Variants in AURKA observed in about 807,000 individuals in gnomAD.
AURKA encodes the protein aurora kinase A.
Under a neutral mutation model 40.9 loss-of-function variants are expected in AURKA, and 12 were observed. That is an observed-to-expected ratio of 0.29 (90% CI 0.19 to 0.48). AURKA has a LOEUF of 0.48. AURKA is among the 20% of genes least tolerant of loss of function. AURKA has a pLI of 0.99. For missense variants in AURKA, 322 were observed against 462.1 expected (o/e 0.70, Z 2.78); for synonymous variants, 170 against 164.3 (o/e 1.03, Z -0.26).
intron 6 of AURKA, among the ~76,000 whole-genome samples, chr20:56,377,084 CA>C (rs1345535059): frequency 6.6e-6 from 1 of 150,616 alleles, no homozygotes; most frequent in Non-Finnish European, 1.5e-5. Context: ...AAGAATGCCT[CA>C]AAAAAAACAA....
chr20:56,371,590 T>C lies in AURKA; in HGVS notation c.855-931A>G, dbSNP rs561962929. Among the ~76,000 whole-genome samples the C allele has an allele frequency of 9.6e-4, 144 of 150,020 alleles. 1 individual carries two copies. Among genetic ancestry groups the C allele is most frequent in the African/African-American group, 3.5e-3 (141 of 40,824 alleles). On this transcript the variant is annotated intron_variant, in intron 7 of 8. Coordinates refer to ENST00000395915, the MANE Select transcript of AURKA (RefSeq NM_198437.3). The stretch of plus-strand genomic sequence containing the variant: ...ACAATCAGAAAAGTCCTCTTTAAAG[T>C]GGGAGACTGGTCTGGCTTTAGACCA...
chr20:56,378,199 G>C (rs574973052), intron 6 of AURKA, among the ~76,000 whole-genome samples: 2 of 152,044 alleles, frequency 1.3e-5, no homozygotes, highest in Non-Finnish European at 2.9e-5. Context: ...TCAAATGTTG[G>C]CAACTATGAG....
rs530148133 is a variant in AURKA, at chr20:56,379,206, C to T, written c.705+2227G>A. Among the ~76,000 whole-genome samples the T allele has an allele frequency of 2.6e-5, 4 of 152,308 alleles. No homozygotes were observed. In the South Asian group the frequency reaches 8.3e-4, roughly 32 times the overall value. ...AGGCCAAAGGAAGTGCACATAAGCA[C>T]TCTAATTGATAAAGTTGGTTCCCAC... On this transcript the variant is annotated intron_variant, in intron 6 of 8. Coordinates refer to ENST00000395915, the MANE Select transcript of AURKA (RefSeq NM_198437.3).
chr20:56,372,110 G>C (rs1301130168), intron 7 of AURKA, among the ~76,000 whole-genome samples: 1 of 152,186 alleles, frequency 6.6e-6, no homozygotes, highest in African/African-American at 2.4e-5. Context: ...GTCTGTGTGG[G>C]TTCGTGTTGC....
chr20:56,377,637 A>G (rs1026496739), intron 6 of AURKA, among the ~76,000 whole-genome samples: 5 of 152,144 alleles, frequency 3.3e-5, no homozygotes, highest in Non-Finnish European at 7.4e-5. Flanking sequence ...AAGTACAAAA[A>G]TTAGCTGGGC....
rs1042339872 is a variant in AURKA, at chr20:56,370,716, T to A, written c.855-57A>T. On this transcript the variant is annotated intron_variant, in intron 7 of 8. Transcript: ENST00000395915. ...CTTCTCGTTTTATGATCACAACAGCTGCTAACAATCATTAAAGAGTCCACT... is the reference window on the plus strand; with the variant it reads ...CTTCTCGTTTTATGATCACAACAGCAGCTAACAATCATTAAAGAGTCCACT... 3.1e-6 allele frequency: 5 copies of A among 1,592,278 alleles called. No homozygotes were observed. In the African/African-American group the frequency reaches 6.7e-5, roughly 21 times the overall value.
chr20:56,380,511 G>C (rs1985577278), intron 6 of AURKA, among the ~76,000 whole-genome samples: 1 of 151,978 alleles, frequency 6.6e-6, no homozygotes, highest in South Asian at 2.1e-4. Flanking sequence ...AAATAAATAA[G>C]GGAGAACAGC....
At position 56,386,367 on chromosome 20, in the gene AURKA, G is replaced by A. The variant is rs767515238; in HGVS notation, c.209C>T (p.Pro70Leu). 4.2e-5 allele frequency: 68 copies of A among 1,614,008 alleles called. 1 individual carries two copies. Among genetic ancestry groups the A allele is most frequent in the East Asian group, 1.1e-4 (5 of 44,892 alleles). ...TTGCTTCTGCTTCTGATTCTGAACC[G>A]GCTTGTGACTGGAGACAAGCTTTTG... is the stretch of plus-strand genomic sequence containing the variant. Reference protein sequence around the residue: ...QAQKLVSSHKPVQNQKQKQLQ... With the variant: ...QAQKLVSSHKLVQNQKQKQLQ... The change falls in exon 3 of 9, where the codon CCG (proline) becomes CTG (leucine). Residue 70 changes from proline (P) to leucine (L), a missense_variant. Coordinates refer to ENST00000395915, the MANE Select transcript of AURKA (RefSeq NM_198437.3).
intron 6 of AURKA, among the ~76,000 whole-genome samples, chr20:56,377,701 C>T (rs1423707125): frequency 2.6e-5 from 4 of 151,962 alleles, no homozygotes; most frequent in Non-Finnish European, 5.9e-5. Context: ...GCAGGAGAAT[C>T]GCTTGAACCC....
intron 4 of AURKA, among the ~76,000 whole-genome samples, 193 bp from the exon 5 acceptor site, chr20:56,383,369 C>T (rs190524931): frequency 6.6e-5 from 10 of 152,292 alleles, no homozygotes; most frequent in South Asian, 2.1e-4. Flanking sequence ...CCCTAGCTGC[C>T]GTCAGGTGTG....
chr20:56,388,272 A>G, intron 1 of AURKA, 70 bp from the exon 2 acceptor site: 1 of 1,372,862 alleles, frequency 7.3e-7, no homozygotes, highest in Non-Finnish European at 1.0e-6. Context: ...CTCGATAGGC[A>G]GCGTTACAGT....
intron 1 of AURKA, chr20:56,388,471 T>G: frequency 1.9e-6 from 1 of 526,930 alleles, no homozygotes. Context: ...CTCTAATGGA[T>G]CACTTCCATC....
intron 6 of AURKA, among the ~76,000 whole-genome samples, chr20:56,381,108 AAAAAT>A (rs1484384474): frequency 1.3e-5 from 2 of 152,166 alleles, no homozygotes; most frequent in African/African-American, 2.4e-5. Flanking sequence ...TCCCTTTAAA[AAAAAT>A]AAAATAAAAT....
chr20:56,389,774 C>T (rs1986827797), intron 1 of AURKA, among the ~76,000 whole-genome samples: 1 of 152,202 alleles, frequency 6.6e-6, no homozygotes, highest in Non-Finnish European at 1.5e-5. Flanking sequence ...CTGTCAGTTG[C>T]TCAGGCCAAA....
chr20:56,380,312 G>A (rs555898550), intron 6 of AURKA, among the ~76,000 whole-genome samples: 10 of 146,926 alleles, frequency 6.8e-5, no homozygotes, highest in Admixed American at 1.4e-4. Context: ...CCAAGATAGC[G>A]CCACTGCACT....
intron 3 of AURKA, among the ~76,000 whole-genome samples, chr20:56,385,604 G>A (rs6024843): frequency 1.3e-5 from 2 of 152,014 alleles, no homozygotes; most frequent in African/African-American, 4.8e-5. Context: ...TGGGATTACA[G>A]GCGTGCACCA....
Position 56,370,636 on chromosome 20 carries a change from A to C in AURKA, c.878T>G (p.Leu293Arg). ...SSRRTTLCGT[L>R]DYLPPEMIEG... Reference sequence around the variant, plus strand: ...AATCATTTCAGGGGGCAGGTAGTCCAGGGTGCCACAGAGAGTGGTCCTCCT... The same window carrying C: ...AATCATTTCAGGGGGCAGGTAGTCCCGGGTGCCACAGAGAGTGGTCCTCCT... Residue 293 changes from leucine (L) to arginine (R), a missense_variant, in exon 8 of 9, where the codon CTG becomes CGG. Coordinates refer to ENST00000395915, the MANE Select transcript of AURKA (RefSeq NM_198437.3). 2 of 1,614,224 alleles carry C rather than the reference A, an allele frequency of 1.2e-6. No homozygotes were observed. Among genetic ancestry groups the C allele is most frequent in the Non-Finnish European group, 1.7e-6 (2 of 1,180,036 alleles).
Position 56,386,387 on chromosome 20 carries a change from C to T in AURKA, c.189G>A (p.Lys63=). 1 of 1,614,130 alleles carries T rather than the reference C, an allele frequency of 6.2e-7. No homozygotes were observed. Among genetic ancestry groups the T allele is most frequent in the Middle Eastern group, 1.6e-4 (1 of 6,062 alleles). Residue 63 remains lysine, a synonymous_variant, in exon 3 of 9, where the codon AAG becomes AAA. Coordinates refer to ENST00000395915, the MANE Select transcript of AURKA (RefSeq NM_198437.3). ...GAACCGGCTTGTGACTGGAGACAAG[C>T]TTTTGTGCTTGCAAAGGAATGCGCT... ...SSQRIPLQAQ[K]LVSSHKPVQN... is the part of the protein sequence containing the mutation.
chr20:56,377,802 G>A (rs1462359103), intron 6 of AURKA, among the ~76,000 whole-genome samples: 4 of 151,938 alleles, frequency 2.6e-5, no homozygotes, highest in East Asian at 1.9e-4. Context: ...AAAAAGAGAC[G>A]TTCAACATCA....
Sources: gnomAD v4.1 joint callset for allele counts (sites outside exome capture counted in the v4.1 genomes callset) on GRCh38, gnomAD v4.1.1 for gene constraint, MANE v1.5 for transcripts, NCBI Gene and HGNC (gene_info 2026-07-23, HGNC 2026-07-21) for gene names.